ELAPOR1: variants seen among roughly 807,000 people sequenced by gnomAD.
The protein encoded by ELAPOR1 is endosome/lysosome-associated apoptosis and autophagy regulator 1.
Under a neutral mutation model 119.7 loss-of-function variants are expected in ELAPOR1, and 77 were observed. That is an observed-to-expected ratio of 0.64 (90% CI 0.54 to 0.78). The LOEUF is 0.78. Ranked by LOEUF, ELAPOR1 falls within the 30% of genes least tolerant of loss-of-function variation. The pLI, the probability that ELAPOR1 is intolerant of heterozygous loss-of-function variation, is 0.00. For synonymous variants in ELAPOR1, 481 were observed against 487.2 expected (o/e 0.99, Z 0.17); for missense variants, 1,115 against 1,270.4 (o/e 0.88, Z 1.86).
intron 8 of ELAPOR1, chr1:109,187,495 C>A (rs958710446): frequency 1.3e-5 from 13 of 1,000,230 alleles, no homozygotes; most frequent in Non-Finnish European, 7.2e-6. Context: ...TCATGTTCAT[C>A]AACCCCTCAG....
intron 3 of ELAPOR1, among the ~76,000 whole-genome samples, chr1:109,166,522 T>G (rs1651611509): frequency 6.6e-6 from 1 of 152,260 alleles, no homozygotes; most frequent in African/African-American, 2.4e-5. Flanking sequence ...CTATTCTGGA[T>G]GCTTTACATA....
At chr1:109,197,835 C>G in intron 16 of ELAPOR1, 144 bp from the exon 17 acceptor site, 1 of 989,424 alleles carries the variant, frequency 1.0e-6, no homozygotes. Context: ...GGGACTCTGA[C>G]AAACCCTTGT....
intron 12 of ELAPOR1, 70 bp downstream of exon 12, chr1:109,191,541 T>A: frequency 7.1e-7 from 1 of 1,416,618 alleles, no homozygotes. Context: ...CCCATTGGTG[T>A]GTCCACGTGA....
rs536963258 is a variant in ELAPOR1 at position 109,185,119 on chromosome 1, G to A, written c.1027G>A (p.Asp343Asn). ...KDYFYTHTACDANGETQLMYK... is the reference protein window; with the variant it reads ...KDYFYTHTACNANGETQLMYK... ...TTATTTCTACACACACACGGCCTGCGATGCCAACGGAGAGGTGGGTAGTAC... is the reference window on the plus strand; with the variant it reads ...TTATTTCTACACACACACGGCCTGCAATGCCAACGGAGAGGTGGGTAGTAC... Residue 343 changes from aspartate to asparagine, a missense_variant, in exon 8 of 22, where the codon GAT becomes AAT. Coordinates refer to ENST00000369939, the MANE Select transcript of ELAPOR1 (RefSeq NM_020775.5). The A allele has an allele frequency of 4.0e-5, 65 of 1,613,636 alleles. No homozygotes were observed. The highest frequency in any genetic ancestry group is 4.9e-5 in the Non-Finnish European group (58 of 1,179,660).
chr1:109,189,261 A>G (rs1653274857), intron 10 of ELAPOR1, 67 bp downstream of exon 10: 2 of 1,545,836 alleles, frequency 1.3e-6, no homozygotes, highest in Non-Finnish European at 1.8e-6. Context: ...CCAACTTCAC[A>G]TTTCTTCATA....
At chr1:109,175,997 G>T (rs7519630) in intron 7 of ELAPOR1, among the ~76,000 whole-genome samples, 70,357 of 151,914 alleles carry the variant, frequency 0.46, 17,291 homozygotes, top group African/African-American at 0.64. Flanking sequence ...AGATGCAAAT[G>T]ACAATCTTTT....
At chr1:109,188,100 C>A in intron 8 of ELAPOR1, 77 bp from the exon 9 acceptor site, 1 of 1,522,004 alleles carries the variant, frequency 6.6e-7, no homozygotes, top group Non-Finnish European at 8.9e-7. Context: ...CTGCCCCCAG[C>A]CCCTATCCTC....
intron 1 of ELAPOR1, among the ~76,000 whole-genome samples, chr1:109,160,958 G>C (rs992504580): frequency 2.0e-5 from 3 of 152,114 alleles, no homozygotes; most frequent in African/African-American, 7.2e-5. Flanking sequence ...TTTATTTTTA[G>C]CTCAGGTAAA....
rs772062061 is a variant in ELAPOR1 at position 109,161,956 on chromosome 1, G to A, written c.216G>A (p.Val72=). 3.7e-6 allele frequency: 6 copies of A among 1,613,972 alleles called. No homozygotes were observed. The South Asian group carries it at 4.4e-5, about 12-fold the overall frequency. The change falls in exon 2 of 22, where the codon GTG becomes GTA. Residue 72 remains valine (V), a synonymous_variant. Transcript: ENST00000369939. ...CGGGTTCCAGGTGGAGGGTCGCCGT[G>A]CCGCATACCCCGGGCCTGTGCACCA... ...DSTGSRWRVA[V]PHTPGLCTSL... is the part of the protein sequence containing the mutation.
intron 1 of ELAPOR1, among the ~76,000 whole-genome samples, chr1:109,135,628 C>A (rs1649423540): frequency 6.6e-6 from 1 of 152,170 alleles, no homozygotes; most frequent in Admixed American, 6.5e-5. Context: ...CTTTGGGAAC[C>A]ATTGGTTTAA....
chr1:109,141,376 C>A (rs1649815920), intron 1 of ELAPOR1, among the ~76,000 whole-genome samples: 1 of 152,032 alleles, frequency 6.6e-6, no homozygotes, highest in Admixed American at 6.6e-5. Flanking sequence ...ATTCTCCTGC[C>A]TCAGCCTCCC....
At chr1:109,164,447 C>T (rs1205206629) in intron 2 of ELAPOR1, 52 bp from the exon 3 acceptor site, 12 of 1,516,992 alleles carry the variant, frequency 7.9e-6, no homozygotes, top group African/African-American at 1.4e-5. Flanking sequence ...CCATTCACTT[C>T]TGGGGCTGCA....
chr1:109,200,630 C>G (rs541782747), intron 20 of ELAPOR1, 105 bp from the exon 21 acceptor site: 302 of 1,064,410 alleles, frequency 2.8e-4, no homozygotes, highest in Non-Finnish European at 4.0e-4. Flanking sequence ...AGTCTCCTTA[C>G]CCATGGCATG....
chr1:109,128,833 A>G (rs912709611), intron 1 of ELAPOR1, among the ~76,000 whole-genome samples: 13 of 152,118 alleles, frequency 8.5e-5, no homozygotes, highest in Admixed American at 5.9e-4. Flanking sequence ...TCTTTGTACC[A>G]CTCTGCAAAT....
chr1:109,144,610 C>T (rs906016756), intron 1 of ELAPOR1, among the ~76,000 whole-genome samples: 14 of 152,106 alleles, frequency 9.2e-5, no homozygotes, highest in African/African-American at 3.4e-4. Flanking sequence ...GGTGTGGCGG[C>T]ATATGCCAGT....
intron 7 of ELAPOR1, among the ~76,000 whole-genome samples, chr1:109,174,610 T>C (rs1176971231): frequency 1.3e-5 from 2 of 151,532 alleles, no homozygotes; most frequent in Non-Finnish European, 2.9e-5. Flanking sequence ...ATGATACATA[T>C]ATAATAAATT....
At chr1:109,150,878 A>G (rs975875876) in intron 1 of ELAPOR1, among the ~76,000 whole-genome samples, 1 of 152,160 alleles carries the variant, frequency 6.6e-6, no homozygotes, top group Non-Finnish European at 1.5e-5. Flanking sequence ...ATATTAAGCT[A>G]TTTTAAAATT....
At chr1:109,163,017 T>C (rs1156349675) in intron 2 of ELAPOR1, among the ~76,000 whole-genome samples, 8 of 152,270 alleles carry the variant, frequency 5.3e-5, no homozygotes, top group Admixed American at 4.6e-4. Context: ...TCCCAGTCTG[T>C]GCCAGTCACT....
intron 1 of ELAPOR1, among the ~76,000 whole-genome samples, chr1:109,140,043 G>A (rs1345465781): frequency 6.6e-6 from 1 of 152,142 alleles, no homozygotes; most frequent in Non-Finnish European, 1.5e-5. Context: ...GATTACAGGC[G>A]TGAGCCACCC....
Sources: gnomAD v4.1 joint callset for allele counts (sites outside exome capture counted in the v4.1 genomes callset) on GRCh38, gnomAD v4.1.1 for gene constraint, MANE v1.5 for transcripts, NCBI Gene and HGNC (gene_info 2026-07-23, HGNC 2026-07-21) for gene names.